The following ITGA9 variants were observed in gnomAD, a reference collection of about 807,000 sequenced individuals.
ITGA9 encodes the protein integrin subunit alpha 9.
In ITGA9, 56 loss-of-function variants were observed where a neutral mutation model predicts 127.8. That is an observed-to-expected ratio of 0.44 (90% confidence interval 0.35 to 0.55). The LOEUF is 0.55. Among genes scored for constraint, ITGA9 ranks in the 20% least tolerant of loss-of-function variants. The probability of loss-of-function intolerance (pLI) is 0.00; values close to 1 mark genes in which losing one functional copy is unlikely to be tolerated. For missense variants in ITGA9, 1,196 were observed against 1,347.1 expected (o/e 0.89, Z 1.76); for synonymous variants, 508 against 514.5 (o/e 0.99, Z 0.17).
chr3:37,480,989 C>G (rs1698546096), intron 3 of ITGA9, among the ~76,000 whole-genome samples: 1 of 152,216 alleles, frequency 6.6e-6, no homozygotes, highest in Admixed American at 6.5e-5. Flanking sequence ...CCTACGTCCC[C>G]CTGTGGTCCA....
At chr3:37,619,949 A>G (rs1296953628) in intron 15 of ITGA9, among the ~76,000 whole-genome samples, 1 of 152,058 alleles carries the variant, frequency 6.6e-6, no homozygotes, top group East Asian at 1.9e-4. Flanking sequence ...TTGCACTCCA[A>G]CCCACTCTGG....
chr3:37,456,057 GACTGAACCCAGCTCTGTAGCC>G (rs374800584), intron 1 of ITGA9, among the ~76,000 whole-genome samples: 30 of 152,238 alleles, frequency 2.0e-4, no homozygotes, highest in African/African-American at 7.0e-4. Flanking sequence ...CAGCCCTGGT[GACTGAACCCAGCTCTGTAGCC>G]ATATCACACT....
chr3:37,527,430 T>G (rs1393932128), intron 13 of ITGA9, among the ~76,000 whole-genome samples: 1 of 152,230 alleles, frequency 6.6e-6, no homozygotes, highest in Non-Finnish European at 1.5e-5. Context: ...TTTGCCTCCC[T>G]AAAATTCTGC....
intron 15 of ITGA9, among the ~76,000 whole-genome samples, chr3:37,547,231 C>A (rs959606159): frequency 6.6e-6 from 1 of 152,258 alleles, no homozygotes; most frequent in African/African-American, 2.4e-5. Context: ...ATATGCACAT[C>A]AGCTTTTCTG....
intron 23 of ITGA9, among the ~76,000 whole-genome samples, chr3:37,771,143 A>T (rs1343269860): frequency 1.3e-5 from 2 of 152,194 alleles, no homozygotes; most frequent in African/African-American, 2.4e-5. Context: ...AGCCTGGGAA[A>T]TAAATGAGGA....
intron 15 of ITGA9, among the ~76,000 whole-genome samples, chr3:37,605,640 C>T (rs1358183056): frequency 6.6e-6 from 1 of 152,128 alleles, no homozygotes; most frequent in Non-Finnish European, 1.5e-5. Context: ...GTAAAGTCCT[C>T]TATAAACTTG....
At chr3:37,618,745 G>A (rs113020181) in intron 15 of ITGA9, among the ~76,000 whole-genome samples, 27 of 152,358 alleles carry the variant, frequency 1.8e-4, no homozygotes, top group African/African-American at 6.0e-4. Flanking sequence ...CTCCGTGGGC[G>A]TAGGACTCTC....
At chr3:37,769,399 T>C (rs1696817978) in intron 23 of ITGA9, among the ~76,000 whole-genome samples, 1 of 152,062 alleles carries the variant, frequency 6.6e-6, no homozygotes. Flanking sequence ...ATTTCTTTAA[T>C]TTTGAGCGAC....
At chr3:37,517,125 T>G (rs551264221) in intron 9 of ITGA9, among the ~76,000 whole-genome samples, 2 of 152,300 alleles carry the variant, frequency 1.3e-5, no homozygotes, top group Middle Eastern at 6.8e-3. Context: ...ATGTATACCC[T>G]TTTAAAACAA....
chr3:37,651,651 A>T (rs896138939), intron 16 of ITGA9, among the ~76,000 whole-genome samples: 7 of 152,176 alleles, frequency 4.6e-5, no homozygotes, highest in Non-Finnish European at 8.8e-5. Flanking sequence ...GAGCAGTAGG[A>T]GGGAAAAGTG....
At chr3:37,558,279 G>A (rs1316649210) in intron 15 of ITGA9, among the ~76,000 whole-genome samples, 2 of 152,102 alleles carry the variant, frequency 1.3e-5, no homozygotes, top group African/African-American at 2.4e-5. Flanking sequence ...TTGAAGTCTG[G>A]TCCATGCCTT....
Position 37,683,954 on chromosome 3 carries a change from A to G in ITGA9, c.2006A>G (p.Tyr669Cys), listed in dbSNP as rs754167910. ...ISISNLGDDA[Y>C]DANVSFNVSR... ...ATCTCCAACCTCGGAGATGATGCCT[A>G]TGATGCCAACGTGTCCTTCAATGTT... is the stretch of plus-strand genomic sequence containing the variant. Residue 669 changes from tyrosine to cysteine, a missense_variant, in exon 18 of 28, where the codon TAT (tyrosine) becomes TGT (cysteine). Tyr to Cys is a radical substitution (Grantham distance 194). Coordinates refer to ENST00000264741, the MANE Select transcript of ITGA9 (RefSeq NM_002207.3). 2.5e-6 allele frequency: 4 copies of G among 1,613,932 alleles called. No homozygotes were observed. The highest frequency in any genetic ancestry group is 1.3e-5 in the African/African-American group (1 of 74,922).
At chr3:37,499,568 C>T (rs1698767503) in intron 5 of ITGA9, among the ~76,000 whole-genome samples, 1 of 152,134 alleles carries the variant, frequency 6.6e-6, no homozygotes, top group South Asian at 2.1e-4. Flanking sequence ...AAGTATTAGT[C>T]ACTTTTTCCT....
At chr3:37,486,589 G>A (rs904890324) in intron 4 of ITGA9, among the ~76,000 whole-genome samples, 1 of 152,178 alleles carries the variant, frequency 6.6e-6, no homozygotes, top group African/African-American at 2.4e-5. Context: ...CTCAGAAGGT[G>A]TCTAACATAT....
chr3:37,506,752 TAGG>T (rs1698847849), intron 7 of ITGA9, among the ~76,000 whole-genome samples: 1 of 152,162 alleles, frequency 6.6e-6, no homozygotes, highest in Admixed American at 6.5e-5. Flanking sequence ...CCAGATTGAG[TAGG>T]TACAGATGGA....
chr3:37,668,320 CAGG>C (rs1700604985), intron 17 of ITGA9, among the ~76,000 whole-genome samples: 1 of 152,214 alleles, frequency 6.6e-6, no homozygotes, highest in Non-Finnish European at 1.5e-5. Context: ...GTCTACCTCA[CAGG>C]TGTGCCTGAT....
At chr3:37,696,973 G>T (rs564514001) in intron 18 of ITGA9, among the ~76,000 whole-genome samples, 2 of 152,170 alleles carry the variant, frequency 1.3e-5, no homozygotes, top group Non-Finnish European at 2.9e-5. Context: ...GTATGAAAAT[G>T]AAAAATTGAA....
At chr3:37,749,867 TG>T (rs1696559086) in intron 22 of ITGA9, among the ~76,000 whole-genome samples, 1 of 152,188 alleles carries the variant, frequency 6.6e-6, no homozygotes, top group Non-Finnish European at 1.5e-5. Flanking sequence ...ACTTGGTCCT[TG>T]AGGGCCTCAG....
chr3:37,641,176 C>T (rs941190320), intron 16 of ITGA9, among the ~76,000 whole-genome samples: 9 of 152,290 alleles, frequency 5.9e-5, no homozygotes, highest in South Asian at 2.1e-4. Flanking sequence ...AGGTGGGCAG[C>T]GGGCCAGCGA....
Sources: allele counts gnomAD v4.1 joint callset (sites outside exome capture counted in the v4.1 genomes callset), GRCh38; gene constraint gnomAD v4.1.1; transcripts MANE v1.5; gene names NCBI Gene and HGNC (gene_info 2026-07-23, HGNC 2026-07-21).